The following FRMD4B variants were observed in gnomAD, a reference collection of about 807,000 sequenced individuals.
FRMD4B encodes FERM domain containing 4B.
FRMD4B carries 74 observed loss-of-function variants against 141.5 expected under a neutral mutation model. The observed-to-expected ratio is 0.52, with a 90% CI of 0.43 to 0.63. The LOEUF (loss-of-function observed/expected upper bound fraction) is 0.63. Among genes scored for constraint, FRMD4B ranks in the 30% least tolerant of loss-of-function variants. The probability of loss-of-function intolerance (pLI) is 0.00; values close to 1 mark genes in which losing one functional copy is unlikely to be tolerated. For synonymous variants in FRMD4B, 506 were observed against 467.9 expected (o/e 1.08, Z -1.05); for missense variants, 1,366 against 1,253.4 (o/e 1.09, Z -1.36).
rs1466116979 is a variant in FRMD4B, at chr3:69,170,351, G to T, written c.*1510C>A. 2 of 152,024 alleles carry T rather than the reference G, an allele frequency of 1.3e-5. No individual in the cohort carries two copies. The highest frequency in any genetic ancestry group is 4.8e-5 in the African/African-American group (2 of 41,398). 9.4% of individuals were successfully genotyped at this position (152,024 alleles called of 1,614,324 possible). A position where few individuals can be genotyped will look rare whatever the true frequency, so the allele number is the denominator to read the frequency against. ...AGAACAATAAAAGAATATGCAAAAAGGTTATTTCTGATTCTAGAAGGCTAT... is the reference window on the plus strand; with the variant it reads ...AGAACAATAAAAGAATATGCAAAAATGTTATTTCTGATTCTAGAAGGCTAT... On this transcript the variant is annotated 3_prime_UTR_variant, in exon 23 of 23. Transcript: ENST00000398540.
At chr3:69,335,932 A>G (rs948978007) in intron 1 of FRMD4B, among the ~76,000 whole-genome samples, 4 of 151,712 alleles carry the variant, frequency 2.6e-5, no homozygotes, top group African/African-American at 9.7e-5. Flanking sequence ...CATGTTGGCC[A>G]GGCTGGTTTT....
chr3:69,255,808 G>A (rs1336893730), intron 5 of FRMD4B, among the ~76,000 whole-genome samples: 1 of 152,156 alleles, frequency 6.6e-6, no homozygotes, highest in Non-Finnish European at 1.5e-5. Flanking sequence ...TGGGGGCAAA[G>A]TTGGGAAGAT....
intron 14 of FRMD4B, among the ~76,000 whole-genome samples, chr3:69,195,737 A>G (rs1458311139): frequency 6.6e-6 from 1 of 152,206 alleles, no homozygotes; most frequent in African/African-American, 2.4e-5. Context: ...GGAAAAGAAA[A>G]ATCAGTGTGA....
At chr3:69,189,222 CAAAAA>C (rs71115659) in intron 18 of FRMD4B, among the ~76,000 whole-genome samples, 3 of 39,774 alleles carry the variant, frequency 7.5e-5, no homozygotes, top group Non-Finnish European at 1.4e-4. Context: ...AACTCCATCT[CAAAAA>C]AAAAAAAAAA....
At chr3:69,421,436 G>A (rs79451222) in intron 2 of FRMD4B, among the ~76,000 whole-genome samples, 1,581 of 152,274 alleles carry the variant, frequency 0.01, 24 homozygotes, top group African/African-American at 0.036. Context: ...GAACAGTGGG[G>A]ACTGGAGAGC....
At chr3:69,504,511 A>C (rs1473125352) in intron 1 of FRMD4B, among the ~76,000 whole-genome samples, 3 of 152,162 alleles carry the variant, frequency 2.0e-5, no homozygotes, top group Non-Finnish European at 2.9e-5. Flanking sequence ...TCCAATGTAC[A>C]TGATGTTTCT....
chr3:69,419,791 C>A (rs532529890), intron 2 of FRMD4B, among the ~76,000 whole-genome samples: 1 of 152,312 alleles, frequency 6.6e-6, no homozygotes, highest in African/African-American at 2.4e-5. Context: ...TCCTATGCAG[C>A]ATACACAGAG....
At chr3:69,514,039 G>T (rs1351148561) in intron 1 of FRMD4B, among the ~76,000 whole-genome samples, 2 of 152,086 alleles carry the variant, frequency 1.3e-5, no homozygotes, top group African/African-American at 4.8e-5. Context: ...ACATAGTATT[G>T]AAAGTCCAAG....
chr3:69,330,911 C>A (rs958274622), intron 1 of FRMD4B, among the ~76,000 whole-genome samples: 1 of 152,168 alleles, frequency 6.6e-6, no homozygotes, highest in African/African-American at 2.4e-5. Context: ...GAAGATGTTT[C>A]CAACTTTTTC....
intron 2 of FRMD4B, among the ~76,000 whole-genome samples, chr3:69,414,113 G>A (rs563086443): frequency 1.3e-5 from 2 of 152,228 alleles, no homozygotes; most frequent in East Asian, 3.9e-4. Context: ...ATATCATACA[G>A]CTGCATTTCA....
intron 18 of FRMD4B, among the ~76,000 whole-genome samples, chr3:69,189,054 T>TAC (rs2092804965): frequency 6.6e-6 from 1 of 151,504 alleles, no homozygotes; most frequent in Non-Finnish European, 1.5e-5. Flanking sequence ...AAACCCTGTC[T>TAC]CTACTAAAAA....
At chr3:69,179,502 A>C (rs1297270453) in intron 21 of FRMD4B, among the ~76,000 whole-genome samples, 1 of 152,210 alleles carries the variant, frequency 6.6e-6, no homozygotes, top group East Asian at 1.9e-4. Flanking sequence ...TTCATATGTT[A>C]GATGTGGTAA....
intron 1 of FRMD4B, among the ~76,000 whole-genome samples, chr3:69,325,117 GA>G (rs1290323434): frequency 1.3e-5 from 2 of 151,464 alleles, no homozygotes; most frequent in African/African-American, 4.9e-5. Flanking sequence ...AAGAAAGAAA[GA>G]AAGAAAGAAA....
At chr3:69,231,493 G>C (rs1437859989) in intron 7 of FRMD4B, among the ~76,000 whole-genome samples, 3 of 152,174 alleles carry the variant, frequency 2.0e-5, no homozygotes, top group Admixed American at 6.6e-5. Context: ...TCGCCATGTT[G>C]GCCAGGCTGT....
intron 1 of FRMD4B, among the ~76,000 whole-genome samples, chr3:69,519,111 GTTTGTT>G (rs2107122824): frequency 6.6e-6 from 1 of 152,230 alleles, no homozygotes; most frequent in African/African-American, 2.4e-5. Flanking sequence ...CCATTTCTTT[GTTTGTT>G]TTTAACTTCA....
intron 2 of FRMD4B, among the ~76,000 whole-genome samples, chr3:69,408,245 C>A (rs72939650): frequency 0.015 from 2,342 of 152,278 alleles, 65 homozygotes; most frequent in African/African-American, 0.053. Context: ...AACCTGAAAA[C>A]TCCCTTCTGA....
At chr3:69,222,056 T>C in intron 8 of FRMD4B, 133 bp from the exon 9 acceptor site, 2 of 627,928 alleles carry the variant, frequency 3.2e-6, no homozygotes, top group Non-Finnish European at 5.8e-6. Context: ...TAGATAGAGT[T>C]TGGCTTTTGT....
chr3:69,238,302 G>T (rs1262604812), intron 7 of FRMD4B, among the ~76,000 whole-genome samples: 1 of 152,200 alleles, frequency 6.6e-6, no homozygotes, highest in Admixed American at 6.5e-5. Flanking sequence ...CAGTAATACG[G>T]TTTGGCCTTT....
Position 69,352,349 on chromosome 3 carries a change from C to T in FRMD4B, c.162+33479G>A, listed in dbSNP as rs184676864. Among the ~76,000 whole-genome samples, 59 of 152,230 alleles carry T rather than the reference C, an allele frequency of 3.9e-4. 1 individual carries two copies. The highest frequency in any genetic ancestry group is 6.8e-3 in the Middle Eastern group (2 of 294). ...CCTTTAGATAGGACCGATTTAGAGA[C>T]AATGGACTCATTTCTAAGGCTACAC... On this transcript the variant is annotated intron_variant, in intron 1 of 22. Transcript: ENST00000398540.
Sources: gnomAD v4.1 joint callset for allele counts (sites outside exome capture counted in the v4.1 genomes callset) on GRCh38, gnomAD v4.1.1 for gene constraint, MANE v1.5 for transcripts, NCBI Gene and HGNC (gene_info 2026-07-23, HGNC 2026-07-21) for gene names.